Variants in SHROOM4 observed in about 807,000 individuals in gnomAD.
SHROOM4 encodes the protein shroom family member 4, also known as protein Shroom4.
Under a neutral mutation model 80.3 loss-of-function variants are expected in SHROOM4, and 17 were observed. The ratio of observed to expected loss-of-function variants is 0.21; its 90% CI spans 0.14 to 0.32. SHROOM4 has a LOEUF of 0.32. SHROOM4 is among the 10% of genes least tolerant of loss of function. The pLI, the probability that SHROOM4 is intolerant of heterozygous loss-of-function variation, is 1.00. For missense variants in SHROOM4, 993 were observed against 1,140.3 expected (o/e 0.87, Z 1.86); for synonymous variants, 400 against 437.5 (o/e 0.91, Z 1.07).
intron 1 of SHROOM4, among the ~76,000 whole-genome samples, chrX:50,807,480 T>A (rs1936249108): frequency 8.9e-6 from 1 of 111,891 alleles, no homozygotes; most frequent in African/African-American, 3.3e-5. Flanking sequence ...ATGGTTAGCA[T>A]CTTCAATCTT....
intron 2 of SHROOM4, among the ~76,000 whole-genome samples, chrX:50,652,666 T>C (rs1308402521): frequency 5.3e-5 from 6 of 112,240 alleles, no homozygotes; most frequent in African/African-American, 1.9e-4. Context: ...TCCTGAATGG[T>C]ATTGCCTAGG....
chrX:50,719,143 T>C (rs930179723), intron 1 of SHROOM4, among the ~76,000 whole-genome samples: 1 of 112,053 alleles, frequency 8.9e-6, no homozygotes, highest in Non-Finnish European at 1.9e-5. Flanking sequence ...CTCTTAACAA[T>C]AGTCCTAGGA....
intron 5 of SHROOM4, among the ~76,000 whole-genome samples, chrX:50,617,318 C>T (rs1258953169): frequency 1.8e-5 from 2 of 111,807 alleles, no homozygotes; most frequent in African/African-American, 3.3e-5. Context: ...TTGTATGCTT[C>T]AGGCTTGCTC....
At chrX:50,691,906 A>G (rs1458378490) in intron 2 of SHROOM4, among the ~76,000 whole-genome samples, 1 of 111,597 alleles carries the variant, frequency 9.0e-6, no homozygotes, top group Non-Finnish European at 1.9e-5. Context: ...GGTAGTCCAC[A>G]TGTGAAGGTT....
At chrX:50,799,338 T>C (rs782399410) in intron 1 of SHROOM4, among the ~76,000 whole-genome samples, 12 of 112,155 alleles carry the variant, frequency 1.1e-4, no homozygotes, top group Non-Finnish European at 1.7e-4. Flanking sequence ...TCCAACAGTA[T>C]CCTGGACAGG....
intron 2 of SHROOM4, among the ~76,000 whole-genome samples, chrX:50,655,545 CAT>C (rs1364431020): frequency 1.1e-3 from 111 of 105,523 alleles, no homozygotes; most frequent in African/African-American, 3.5e-3. Context: ...TTATATATAA[CAT>C]ATATTTTTAT....
At chrX:50,615,788 G>C (rs1030358863) in intron 5 of SHROOM4, among the ~76,000 whole-genome samples, 22 of 111,424 alleles carry the variant, frequency 2.0e-4, no homozygotes, top group African/African-American at 7.2e-4. Flanking sequence ...GTGTGTGGTG[G>C]GGGGAGGGGG....
chrX:50,733,407 C>A (rs1357279913), intron 1 of SHROOM4, among the ~76,000 whole-genome samples: 1 of 111,417 alleles, frequency 9.0e-6, no homozygotes, highest in Non-Finnish European at 1.9e-5. Context: ...GAGGGCATTG[C>A]CCTTATGAAT....
intron 1 of SHROOM4, among the ~76,000 whole-genome samples, chrX:50,760,640 AT>A (rs1214676469): frequency 1.8e-4 from 20 of 109,931 alleles, no homozygotes; most frequent in Non-Finnish European, 3.2e-4. Context: ...ACCTGACAAC[AT>A]TTTTTTTTGT....
rs1936406797 is a variant in SHROOM4 at position 50,814,023 on chromosome X, G to A, written c.-5C>T. The A allele has an allele frequency of 3.4e-6, 4 of 1,188,857 alleles. No homozygotes were observed. Among genetic ancestry groups the A allele is most frequent in the Non-Finnish European group, 4.6e-6 (4 of 876,781 alleles). On this transcript the variant is annotated 5_prime_UTR_variant, in exon 1 of 9. Transcript: ENST00000376020. Reference sequence around the variant, plus strand: ...GGACCCAGGCCGGTTCTCCATCCTCGGCTGGGCTCAGGCGCCGCCGGGCTC... The same window carrying A: ...GGACCCAGGCCGGTTCTCCATCCTCAGCTGGGCTCAGGCGCCGCCGGGCTC...
chrX:50,775,490 G>C (rs1372781894), intron 1 of SHROOM4, among the ~76,000 whole-genome samples: 1 of 111,464 alleles, frequency 9.0e-6, no homozygotes, highest in Non-Finnish European at 1.9e-5. Context: ...CTTCCAGGAA[G>C]AGTACTGGGG....
At chrX:50,655,702 T>C (rs1557259400) in intron 2 of SHROOM4, among the ~76,000 whole-genome samples, 1 of 109,799 alleles carries the variant, frequency 9.1e-6, no homozygotes, top group Non-Finnish European at 1.9e-5. Flanking sequence ...ATCTTGGCTA[T>C]TGTGAATAGT....
rs782003270 is a variant in SHROOM4 at position 50,660,404 on chromosome X, C to A, written c.270-22096G>T. ...TGTATTTCTCCACATGCCTGCCCCC[C>A]AAAAAATGTACATTAAACGCTCTGA... is the stretch of plus-strand genomic sequence containing the variant. On this transcript the variant is annotated intron_variant, in intron 2 of 8. Coordinates refer to ENST00000376020, the MANE Select transcript of SHROOM4 (RefSeq NM_020717.5). 8.8e-4 allele frequency among the ~76,000 whole-genome samples: 98 copies of A among 111,379 alleles called. 1 individual carries two copies. The highest frequency in any genetic ancestry group is 1.4e-3 in the Non-Finnish European group (76 of 52,952).
Position 50,595,923 on chromosome X carries a change from G to A in SHROOM4, c.*772C>T. On this transcript the variant is annotated 3_prime_UTR_variant, in exon 9 of 9. Coordinates refer to ENST00000376020, the MANE Select transcript of SHROOM4 (RefSeq NM_020717.5). ...GTCAGTTTTAGTAGAGCTATTAATG[G>A]CCCATATGGTGAAGCCCTGGGGTAG... 6.1e-6 allele frequency: 2 copies of A among 329,433 alleles called. No homozygotes were observed. The highest frequency in any genetic ancestry group is 1.2e-5 in the Non-Finnish European group (2 of 169,981). The allele number at this position is 329,433 out of a possible 1,213,427, so 27.1% of individuals were successfully genotyped here. A position where few individuals can be genotyped will look rare whatever the true frequency, so the allele number is the denominator to read the frequency against.
chrX:50,768,329 G>T (rs1935321927), intron 1 of SHROOM4, among the ~76,000 whole-genome samples: 1 of 111,937 alleles, frequency 8.9e-6, no homozygotes. Context: ...TAAAGCGATT[G>T]CTGGCAATGT....
At position 50,635,368 on chromosome X, in the gene SHROOM4, C is replaced by T; in HGVS notation, c.705G>A (p.Glu235=). The change falls in exon 4 of 9, where the codon GAG becomes GAA. Residue 235 remains glutamate, a synonymous_variant. Transcript: ENST00000376020. ...KAPSGRPNVA[E]TSGGSRRTNG... is the part of the protein sequence containing the mutation. ...TGGTGCGCCGACTACCTCCTGAGGT[C>T]TCAGCCACATTAGGCCGGCCACTGG... 1 of 1,205,512 alleles carries T rather than the reference C, an allele frequency of 8.3e-7. No individual in the cohort carries two copies. The highest frequency in any genetic ancestry group is 1.1e-6 in the Non-Finnish European group (1 of 892,297).
chrX:50,729,332 A>G (rs1934312525), intron 1 of SHROOM4, among the ~76,000 whole-genome samples: 1 of 112,039 alleles, frequency 8.9e-6, no homozygotes, highest in Non-Finnish European at 1.9e-5. Context: ...GACAGAAATT[A>G]TAAACAAGAT....
chrX:50,703,457 T>C (rs186645598), intron 1 of SHROOM4, among the ~76,000 whole-genome samples: 77 of 111,978 alleles, frequency 6.9e-4, no homozygotes, highest in African/African-American at 2.5e-3. Context: ...CACAGGCAAC[T>C]AGCCTTTCCT....
At chrX:50,784,800 T>C (rs1557270909) in intron 1 of SHROOM4, among the ~76,000 whole-genome samples, 1 of 112,172 alleles carries the variant, frequency 8.9e-6, no homozygotes, top group Non-Finnish European at 1.9e-5. Context: ...ACATTTTACT[T>C]TTCAAAAGTC....
Sources: gnomAD v4.1 joint callset for allele counts (sites outside exome capture counted in the v4.1 genomes callset) on GRCh38, gnomAD v4.1.1 for gene constraint, MANE v1.5 for transcripts, NCBI Gene and HGNC (gene_info 2026-07-23, HGNC 2026-07-21) for gene names.